OTUD7B: variants seen among roughly 807,000 people sequenced by gnomAD.
OTUD7B encodes OTU domain-containing protein 7B.
In OTUD7B, 34 loss-of-function variants were observed where a neutral mutation model predicts 82.2. The observed-to-expected ratio is 0.41, with a 90% CI of 0.31 to 0.55. The LOEUF is 0.55. OTUD7B is among the 20% of genes least tolerant of loss of function. OTUD7B has a pLI of 0.20. For synonymous variants in OTUD7B, 398 were observed against 402.7 expected (o/e 0.99, Z 0.14); for missense variants, 944 against 1,062.1 (o/e 0.89, Z 1.55).
chr1:149,950,167 A>G lies in OTUD7B; in HGVS notation c.900T>C (p.Phe300=). The change falls in exon 8 of 12, where the codon TTT becomes TTC. Residue 300 remains phenylalanine, a synonymous_variant. Coordinates refer to ENST00000581312, the MANE Select transcript of OTUD7B (RefSeq NM_020205.4). ...VYESLEEFHV[F]VLAHVLRRPI... ...GCCTCCTAAGCACATGAGCAAGGAC[A>G]AAGACGTGAAACTCTTCAAGGCTCT... 1 of 1,614,172 alleles carries G rather than the reference A, an allele frequency of 6.2e-7. No homozygotes were observed. Among genetic ancestry groups the G allele is most frequent in the Non-Finnish European group, 8.5e-7 (1 of 1,180,010 alleles).
chr1:149,965,732 T>C, intron 5 of OTUD7B, 45 bp downstream of exon 5: 1 of 1,385,324 alleles, frequency 7.2e-7, no homozygotes, highest in East Asian at 2.3e-5. Context: ...TTGACTCAAC[T>C]GCTTCCTTTC....
At chr1:149,993,008 A>G (rs1391311971) in intron 1 of OTUD7B, among the ~76,000 whole-genome samples, 1 of 151,872 alleles carries the variant, frequency 6.6e-6, no homozygotes, top group East Asian at 1.9e-4. Context: ...AAAATTGGCC[A>G]GGCATGGTGG....
At chr1:150,029,306 A>G in the OTUD7B span, among the ~76,000 whole-genome samples, 1 of 152,158 alleles carries the variant, frequency 6.6e-6, no homozygotes, top group Admixed American at 6.5e-5. Flanking sequence ...AGAAGGACCC[A>G]TCCACCCACA....
the OTUD7B span, among the ~76,000 whole-genome samples, chr1:150,037,971 G>A: frequency 6.6e-6 from 1 of 150,642 alleles, no homozygotes; most frequent in African/African-American, 2.4e-5. Flanking sequence ...CCAGGCTCAG[G>A]GCACCTCAGC....
chr1:149,972,868 A>G lies in OTUD7B; in HGVS notation c.86-1617T>C, dbSNP rs114561029. 5.2e-3 allele frequency among the ~76,000 whole-genome samples: 799 copies of G among 152,308 alleles called. 5 individuals carry two copies. The highest frequency in any genetic ancestry group is 0.018 in the African/African-American group (763 of 41,564). On this transcript the variant is annotated intron_variant, in intron 2 of 11. Coordinates refer to ENST00000581312, the MANE Select transcript of OTUD7B (RefSeq NM_020205.4). Reference sequence around the variant, plus strand: ...AAATCAGGTCTTCCTAACAATCCACATGGCCAAATTGAGTATCCATCATTT... The same window carrying G: ...AAATCAGGTCTTCCTAACAATCCACGTGGCCAAATTGAGTATCCATCATTT...
Position 149,950,081 on chromosome 1 carries a change from C to T in OTUD7B, c.973+13G>A, listed in dbSNP as rs587713358. ...GTGCTCAGCATGGAGTGAGGACTGACTGGCTGACTCACCTTCCCCTCCGGA... is the reference window on the plus strand; with the variant it reads ...GTGCTCAGCATGGAGTGAGGACTGATTGGCTGACTCACCTTCCCCTCCGGA... On this transcript the variant is annotated intron_variant, in intron 8 of 11. Coordinates refer to ENST00000581312, the MANE Select transcript of OTUD7B (RefSeq NM_020205.4). 3 of 1,613,536 alleles carry T rather than the reference C, an allele frequency of 1.9e-6. No individual in the cohort carries two copies. In the African/African-American group the frequency reaches 4.0e-5, roughly 21 times the overall value.
chr1:150,056,574 A>C, the OTUD7B span, among the ~76,000 whole-genome samples: 2 of 152,214 alleles, frequency 1.3e-5, no homozygotes, highest in African/African-American at 4.8e-5. Context: ...ACAAATGAGG[A>C]AACTGTGACA....
chr1:149,995,990 A>G (rs1651898279), intron 1 of OTUD7B, among the ~76,000 whole-genome samples: 1 of 152,366 alleles, frequency 6.6e-6, no homozygotes. Flanking sequence ...GAATGAATTG[A>G]GCAGGCAAGT....
At chr1:149,951,683 TG>T (rs2101752637) in intron 7 of OTUD7B, among the ~76,000 whole-genome samples, 1 of 152,328 alleles carries the variant, frequency 6.6e-6, no homozygotes, top group East Asian at 1.9e-4. Context: ...CCAACTCAAC[TG>T]GACTTTTCTG....
chr1:149,943,680 C>G lies in OTUD7B; in HGVS notation c.*177G>C, dbSNP rs1553771007. 4.5e-6 allele frequency: 3 copies of G among 665,178 alleles called. No individual in the cohort carries two copies. In the African/African-American group the frequency reaches 5.4e-5, roughly 12 times the overall value. 41.2% of individuals were successfully genotyped at this position (665,178 alleles called of 1,614,324 possible). ...ACAGCCCCTGAGGTGCCATCCAGCC[C>G]CGACCTGCTCTTGCCAGCCTGGCAG... On this transcript the variant is annotated 3_prime_UTR_variant, in exon 12 of 12. Transcript: ENST00000581312.
intron 2 of OTUD7B, among the ~76,000 whole-genome samples, chr1:149,976,435 A>C (rs1650312647): frequency 6.6e-6 from 1 of 151,706 alleles, no homozygotes; most frequent in Non-Finnish European, 1.5e-5. Context: ...AAAATGGAGA[A>C]ACCCCATCTC....
upstream of OTUD7B, among the ~76,000 whole-genome samples, chr1:150,014,109 A>AC (rs1559875242): frequency 9.9e-6 from 1 of 101,066 alleles, no homozygotes; most frequent in African/African-American, 4.4e-5. Context: ...TATATATAGT[A>AC]GGGGCTCAGC....
chr1:150,001,892 A>G (rs1169215297), intron 1 of OTUD7B, among the ~76,000 whole-genome samples: 1 of 152,130 alleles, frequency 6.6e-6, no homozygotes, highest in African/African-American at 2.4e-5. Flanking sequence ...TTAAGTCCCA[A>G]TTTCTCCCAG....
At chr1:150,011,982 A>G (rs1653089351), upstream of OTUD7B, among the ~76,000 whole-genome samples, 1 of 152,256 alleles carries the variant, frequency 6.6e-6, no homozygotes, top group African/African-American at 2.4e-5. Flanking sequence ...ACCTGGGTTT[A>G]CAATCGAAAA....
At chr1:150,042,104 ACCCTCCCTCCCTCCCTCCCTCCCT>A in the OTUD7B span, among the ~76,000 whole-genome samples, 3 of 55,890 alleles carry the variant, frequency 5.4e-5, no homozygotes, top group African/African-American at 1.4e-4. Context: ...AGAGGTGCAG[ACCCTCCCTCCCTCCCTCCCTCCCT>A]CCCTCCCTCC....
chr1:149,955,641 G>T (rs1160937497), intron 7 of OTUD7B, among the ~76,000 whole-genome samples: 1 of 151,932 alleles, frequency 6.6e-6, no homozygotes, highest in Non-Finnish European at 1.5e-5. Flanking sequence ...TGACAGTGGG[G>T]TGTTAAAGTC....
chr1:150,048,993 C>T, the OTUD7B span, among the ~76,000 whole-genome samples: 4 of 152,150 alleles, frequency 2.6e-5, no homozygotes, highest in African/African-American at 7.2e-5. Context: ...CCACCACACT[C>T]GGCTAATTTT....
intron 1 of OTUD7B, among the ~76,000 whole-genome samples, chr1:149,993,484 T>C (rs2101906414): frequency 6.6e-6 from 1 of 152,188 alleles, no homozygotes; most frequent in East Asian, 1.9e-4. Context: ...TAACAAAAGG[T>C]TTATTAAGTG....
intron 1 of OTUD7B, among the ~76,000 whole-genome samples, chr1:150,009,837 C>T (rs782090897): frequency 6.6e-6 from 1 of 152,090 alleles, no homozygotes; most frequent in African/African-American, 2.4e-5. Context: ...CCGGCTTACT[C>T]ATCATCAGCT....
Sources: gnomAD v4.1 joint callset for allele counts (sites outside exome capture counted in the v4.1 genomes callset) on GRCh38, gnomAD v4.1.1 for gene constraint, MANE v1.5 for transcripts, NCBI Gene and HGNC (gene_info 2026-07-23, HGNC 2026-07-21) for gene names.